ANKIB1: variants seen among roughly 807,000 people sequenced by gnomAD.
ANKIB1 encodes the protein ankyrin repeat and IBR domain-containing protein 1.
A neutral mutation model predicts 122.1 loss-of-function variants in ANKIB1; 43 were observed. The ratio of observed to expected loss-of-function variants is 0.35; its 90% CI spans 0.28 to 0.45. The LOEUF (loss-of-function observed/expected upper bound fraction) is 0.45, where lower values mean the gene tolerates loss of function less well. ANKIB1 is among the 20% of genes least tolerant of loss of function. ANKIB1 has a pLI of 1.00. For missense variants in ANKIB1, 992 were observed against 1,329.5 expected, an observed-to-expected ratio of 0.75 and a Z score of 3.95; for synonymous variants, 390 against 442.0, an observed-to-expected ratio of 0.88 and a Z score of 1.48.
At chr7:92,304,937 G>C (rs1802528540) in intron 2 of ANKIB1, among the ~76,000 whole-genome samples, 1 of 152,054 alleles carries the variant, frequency 6.6e-6, no homozygotes. Context: ...TTGTATCCAT[G>C]TATATTCAGA....
Position 92,246,024 on chromosome 7 carries a change from A to G in ANKIB1, c.-586A>G, listed in dbSNP as rs1585060055. ...TCCTGCTCCTTTTCACTGGACCTGC[A>G]GTCTCTCAGGGGCTGGTGGCAGGCG... On this transcript the variant is annotated 5_prime_UTR_variant, in exon 1 of 20. Transcript: ENST00000265742. 3.9e-6 allele frequency: 1 copy of G among 256,172 alleles called. No individual in the cohort carries two copies. Among genetic ancestry groups the G allele is most frequent in the South Asian group, 3.5e-5 (1 of 28,934 alleles). 15.9% of individuals were successfully genotyped at this position (256,172 alleles called of 1,614,324 possible).
chr7:92,355,894 GTAA>G (rs1295210755), intron 9 of ANKIB1, among the ~76,000 whole-genome samples: 2 of 143,512 alleles, frequency 1.4e-5, no homozygotes, highest in Non-Finnish European at 3.1e-5. Flanking sequence ...AATAGTAATA[GTAA>G]TAATAAGGTA....
intron 3 of ANKIB1, among the ~76,000 whole-genome samples, chr7:92,314,134 C>T (rs1802745533): frequency 6.6e-6 from 1 of 151,720 alleles, no homozygotes; most frequent in Admixed American, 6.6e-5. Flanking sequence ...CTTGTTTCTA[C>T]TAAAAATCAA....
rs956357573 is a variant in ANKIB1 at position 92,312,670 on chromosome 7, C to T, written c.486+5014C>T. On this transcript the variant is annotated intron_variant, in intron 3 of 19. Coordinates refer to ENST00000265742, the MANE Select transcript of ANKIB1 (RefSeq NM_019004.2). ...TTGTGGGCTATACAGAAACAGGCAGCAGGTTTGATTTGGCCTAAGATGACT... is the reference window on the plus strand; with the variant it reads ...TTGTGGGCTATACAGAAACAGGCAGTAGGTTTGATTTGGCCTAAGATGACT... Among the ~76,000 whole-genome samples the T allele has an allele frequency of 4.6e-5, 7 of 152,062 alleles. No homozygotes were observed. The South Asian group carries it at 1.5e-3, about 32-fold the overall frequency.
intron 9 of ANKIB1, among the ~76,000 whole-genome samples, chr7:92,356,113 T>C (rs1028421552): frequency 1.3e-5 from 2 of 152,094 alleles, no homozygotes; most frequent in Admixed American, 6.6e-5. Context: ...AGTACTTTTT[T>C]CTCCAACATT....
In ANKIB1 at chr7:92,401,024, T is replaced by C. The variant is rs975666547; in HGVS notation, c.*2075T>C. On this transcript the variant is annotated 3_prime_UTR_variant, in exon 20 of 20. Transcript: ENST00000265742. ...TGTGAAGACAGTGTACACAATGGGT[T>C]CCGGTTTCCTTGCACCTTGTGCAGT... The C allele has an allele frequency of 2.0e-5, 3 of 152,242 alleles. No homozygotes were observed. The highest frequency in any genetic ancestry group is 1.5e-5 in the Non-Finnish European group (1 of 68,048). 9.4% of individuals were successfully genotyped at this position (152,242 alleles called of 1,614,324 possible).
At chr7:92,315,261 T>C (rs1424119463) in intron 3 of ANKIB1, among the ~76,000 whole-genome samples, 1 of 152,148 alleles carries the variant, frequency 6.6e-6, no homozygotes, top group Non-Finnish European at 1.5e-5. Context: ...GAAGAGAGAA[T>C]ATATTGAGTT....
chr7:92,348,760 G>A (rs190871687), intron 7 of ANKIB1, among the ~76,000 whole-genome samples: 1 of 152,198 alleles, frequency 6.6e-6, no homozygotes, highest in East Asian at 1.9e-4. Flanking sequence ...AATGGATAAG[G>A]ATCTACCAGA....
chr7:92,392,301 T>G lies in ANKIB1; in HGVS notation c.2283+9T>G, dbSNP rs1804802188. On this transcript the variant is annotated intron_variant, in intron 17 of 19. Coordinates refer to ENST00000265742, the MANE Select transcript of ANKIB1 (RefSeq NM_019004.2). ...GATTTGCATCACCAGAGGTAATTGT[T>G]TTATGGGGTTTTTGTTTTTGTATTT... 1.9e-6 allele frequency: 3 copies of G among 1,608,892 alleles called. No homozygotes were observed. Among genetic ancestry groups the G allele is most frequent in the Non-Finnish European group, 2.5e-6 (3 of 1,177,206 alleles).
intron 9 of ANKIB1, among the ~76,000 whole-genome samples, chr7:92,353,387 G>A (rs1186496207): frequency 6.6e-6 from 1 of 152,094 alleles, no homozygotes. Flanking sequence ...CTATATATGT[G>A]TCAGCCATCA....
At chr7:92,383,067 T>C (rs188796590) in intron 11 of ANKIB1, among the ~76,000 whole-genome samples, 43 of 152,178 alleles carry the variant, frequency 2.8e-4, no homozygotes, top group African/African-American at 9.9e-4. Flanking sequence ...ATATCACCAC[T>C]AATCCCACAG....
chr7:92,346,601 G>A (rs1803545706), intron 7 of ANKIB1, among the ~76,000 whole-genome samples: 1 of 152,180 alleles, frequency 6.6e-6, no homozygotes, highest in African/African-American at 2.4e-5. Context: ...ATTGACAAAG[G>A]TCAGAGCTCA....
chr7:92,289,123 A>G lies in ANKIB1; in HGVS notation c.-90-5766A>G, dbSNP rs182437549. On this transcript the variant is annotated intron_variant, in intron 1 of 19. Coordinates refer to ENST00000265742, the MANE Select transcript of ANKIB1 (RefSeq NM_019004.2). ...CTGGAAACAACCAAGTTGTCCTTCA[A>G]TAAGTGAATGATTAAACAAGTAGTG... 3.9e-5 allele frequency among the ~76,000 whole-genome samples: 6 copies of G among 152,350 alleles called. No homozygotes were observed. The East Asian group carries it at 5.8e-4, about 15-fold the overall frequency.
intron 11 of ANKIB1, among the ~76,000 whole-genome samples, chr7:92,373,515 G>T (rs1162616060): frequency 6.6e-6 from 1 of 152,168 alleles, no homozygotes; most frequent in East Asian, 1.9e-4. Context: ...TATAAGCTAT[G>T]TAAATGTAGT....
intron 9 of ANKIB1, among the ~76,000 whole-genome samples, chr7:92,357,231 A>G (rs1303387132): frequency 6.6e-6 from 1 of 152,052 alleles, no homozygotes; most frequent in Non-Finnish European, 1.5e-5. Flanking sequence ...AGATTAGGCA[A>G]CTATTTTTTT....
chr7:92,307,082 T>G (rs913213593), intron 2 of ANKIB1, among the ~76,000 whole-genome samples: 2 of 152,238 alleles, frequency 1.3e-5, no homozygotes, highest in East Asian at 3.8e-4. Flanking sequence ...ATTTCTCATC[T>G]TCCTTTTTTC....
intron 11 of ANKIB1, among the ~76,000 whole-genome samples, chr7:92,379,236 A>G (rs1018663088): frequency 6.6e-6 from 1 of 152,144 alleles, no homozygotes; most frequent in African/African-American, 2.4e-5. Context: ...TAAAAATACA[A>G]AAAAATTTAG....
At chr7:92,380,009 G>C (rs1453395252) in intron 11 of ANKIB1, among the ~76,000 whole-genome samples, 1 of 152,176 alleles carries the variant, frequency 6.6e-6, no homozygotes, top group African/African-American at 2.4e-5. Context: ...AGCCATGACA[G>C]GCTGTACCGG....
chr7:92,382,021 G>A (rs923664788), intron 11 of ANKIB1, among the ~76,000 whole-genome samples: 39 of 151,812 alleles, frequency 2.6e-4, no homozygotes, highest in African/African-American at 8.7e-4. Flanking sequence ...GACATACATA[G>A]GCTCAAAATA....
Sources: allele counts gnomAD v4.1 joint callset (sites outside exome capture counted in the v4.1 genomes callset), GRCh38; gene constraint gnomAD v4.1.1; transcripts MANE v1.5; gene names NCBI Gene and HGNC (gene_info 2026-07-23, HGNC 2026-07-21).